Variants in FLRT2 observed in about 807,000 individuals in gnomAD.
The protein encoded by FLRT2 is leucine-rich repeat transmembrane protein FLRT2.
A neutral mutation model predicts 40.0 loss-of-function variants in FLRT2; 15 were observed. The observed-to-expected ratio is 0.38, with a 90% CI of 0.25 to 0.58. The LOEUF is 0.58. Ranked by LOEUF, FLRT2 falls within the 20% of genes least tolerant of loss-of-function variation. The probability of loss-of-function intolerance (pLI) is 0.71; values close to 1 mark genes in which losing one functional copy is unlikely to be tolerated. For synonymous variants in FLRT2, 380 were observed against 336.8 expected (o/e 1.13, Z -1.41); for missense variants, 726 against 840.0 (o/e 0.86, Z 1.68).
chr14:85,621,700 G>C lies in FLRT2; in HGVS notation c.186G>C (p.Pro62=). 1.2e-6 allele frequency: 2 copies of C among 1,614,070 alleles called. No individual in the cohort carries two copies. The highest frequency in any genetic ancestry group is 1.7e-6 in the Non-Finnish European group (2 of 1,180,030). The change falls in exon 2 of 2, where the codon CCG becomes CCC. Residue 62 remains proline (P), a synonymous_variant. Transcript: ENST00000330753. ...RSLTSVPLGI[P]EGVTVLYLHN... is the part of the protein sequence containing the mutation. The stretch of plus-strand genomic sequence containing the variant: ...TGACCTCAGTGCCTCTTGGGATCCC[G>C]GAGGGCGTAACTGTACTCTACCTCC...
In FLRT2 at chr14:85,622,526, A is replaced by G; in HGVS notation, c.1012A>G (p.Met338Val). Reference sequence around the variant, plus strand: ...TTCATCTCTCAACGTGCGGGGTTTCATGTGCCAAGGTCCTGAACAAGTCCG... The same window carrying G: ...TTCATCTCTCAACGTGCGGGGTTTCGTGTGCCAAGGTCCTGAACAAGTCCG... ...IPSSLNVRGF[M>V]CQGPEQVRGM... Residue 338 changes from methionine to valine, a missense_variant, in exon 2 of 2, where the codon ATG (methionine) becomes GTG (valine). Met to Val is a conservative substitution (Grantham distance 21). Around this residue, in one of 3 missense-constraint regions of FLRT2, gnomAD observed 611 missense variants for 690.0 expected, o/e 0.89. Coordinates refer to ENST00000330753, the MANE Select transcript of FLRT2 (RefSeq NM_013231.6). 1.2e-6 allele frequency: 2 copies of G among 1,614,086 alleles called. No homozygotes were observed. The highest frequency in any genetic ancestry group is 8.5e-7 in the Non-Finnish European group (1 of 1,180,028).
chr14:85,562,389 C>T (rs1038184580), intron 1 of FLRT2, among the ~76,000 whole-genome samples: 1 of 152,090 alleles, frequency 6.6e-6, no homozygotes, highest in African/African-American at 2.4e-5. Context: ...TCAAGAAGAC[C>T]CGTGTTTCAA....
At chr14:85,575,925 C>T (rs1313898063) in intron 1 of FLRT2, among the ~76,000 whole-genome samples, 1 of 152,132 alleles carries the variant, frequency 6.6e-6, no homozygotes, top group Non-Finnish European at 1.5e-5. Context: ...TAGCACAATG[C>T]CTGGGAGGGG....
intron 1 of FLRT2, among the ~76,000 whole-genome samples, chr14:85,551,114 G>T (rs1304002081): frequency 1.3e-5 from 2 of 152,194 alleles, no homozygotes; most frequent in Non-Finnish European, 2.9e-5. Context: ...GAAATCTAGT[G>T]AGAAATCTTT....
chr14:85,604,276 G>A (rs1270908713), intron 1 of FLRT2, among the ~76,000 whole-genome samples: 3 of 152,138 alleles, frequency 2.0e-5, no homozygotes, highest in Non-Finnish European at 2.9e-5. Context: ...GAACATTCAG[G>A]AGTAAAATCA....
At position 85,640,487 on chromosome 14, in the gene FLRT2, T is replaced by A. The variant is rs1894126101; in HGVS notation, c.*16990T>A. 6.6e-6 allele frequency: 1 copy of A among 152,132 alleles called. No individual in the cohort carries two copies. The highest frequency in any genetic ancestry group is 6.5e-5 in the Admixed American group (1 of 15,272). 9.4% of individuals were successfully genotyped at this position (152,132 alleles called of 1,614,324 possible). ...AGGTTTTCTTTAATTGTTTAATTCA[T>A]AGGAAAGCCACTGGGAGCCTTCTGG... On this transcript the variant is annotated 3_prime_UTR_variant, in exon 2 of 2. Transcript: ENST00000330753.
chr14:85,594,451 GTC>G (rs1892042669), intron 1 of FLRT2, among the ~76,000 whole-genome samples: 1 of 152,136 alleles, frequency 6.6e-6, no homozygotes, highest in Non-Finnish European at 1.5e-5. Flanking sequence ...ATACCTGTAA[GTC>G]TCAACTCACA....
intron 1 of FLRT2, among the ~76,000 whole-genome samples, chr14:85,597,364 TTGA>T (rs1892185980): frequency 6.6e-6 from 1 of 152,210 alleles, no homozygotes; most frequent in African/African-American, 2.4e-5. Context: ...TTAGAGAACG[TTGA>T]TTTCTTTATG....
At position 85,587,577 on chromosome 14, in the gene FLRT2, AT is replaced by A. The variant is rs945465204; in HGVS notation, c.-376-33550del. 5.6e-3 allele frequency among the ~76,000 whole-genome samples: 827 copies of A among 147,760 alleles called. 1 individual carries two copies. The highest frequency in any genetic ancestry group is 0.014 in the African/African-American group (568 of 40,632). ...AACAAATTAAAGGACTTGACCATGAATTTTTTTTTTTTCTAAGTGAACACTT... is the reference window on the plus strand; with the variant it reads ...AACAAATTAAAGGACTTGACCATGAATTTTTTTTTTTCTAAGTGAACACTT... On this transcript the variant is annotated intron_variant, in intron 1 of 1. Transcript: ENST00000330753.
intron 1 of FLRT2, among the ~76,000 whole-genome samples, chr14:85,610,255 G>A (rs565638307): frequency 6.6e-6 from 1 of 152,258 alleles, no homozygotes; most frequent in South Asian, 2.1e-4. Context: ...ATGTTCGCGA[G>A]AAGAGACTCT....
At chr14:85,587,964 C>T (rs1013807259) in intron 1 of FLRT2, among the ~76,000 whole-genome samples, 1 of 151,720 alleles carries the variant, frequency 6.6e-6, no homozygotes, top group Admixed American at 6.6e-5. Flanking sequence ...TGGAGTCTTG[C>T]TCTGTCTCCC....
rs1595095350 is a variant in FLRT2, at chr14:85,621,479, TCCCACCACATTGTA to T, written c.-35_-22del. ...TTTATTTTTTTTTTCTTTTTCTTTT[TCCCACCACATTGTA>T]TTTTATTTCCGTACTTCAGAAATGG... is the stretch of plus-strand genomic sequence containing the variant. On this transcript the variant is annotated 5_prime_UTR_variant, in exon 2 of 2. Coordinates refer to ENST00000330753, the MANE Select transcript of FLRT2 (RefSeq NM_013231.6). The T allele has an allele frequency of 6.5e-7, 1 of 1,536,146 alleles. No homozygotes were observed. Among genetic ancestry groups the T allele is most frequent in the Non-Finnish European group, 8.8e-7 (1 of 1,141,946 alleles).
intron 1 of FLRT2, among the ~76,000 whole-genome samples, chr14:85,609,262 C>T (rs1892756874): frequency 6.6e-6 from 1 of 152,120 alleles, no homozygotes; most frequent in African/African-American, 2.4e-5. Flanking sequence ...CTAGAAGGAG[C>T]AATACAGGCT....
At position 85,635,807 on chromosome 14, in the gene FLRT2, C is replaced by T. The variant is rs1227200001; in HGVS notation, c.*12310C>T. ...CTTTTATAAAACCACTACTTAGCAG[C>T]TAACAATGAAATGTTCATTTCAAAA... On this transcript the variant is annotated 3_prime_UTR_variant, in exon 2 of 2. Coordinates refer to ENST00000330753, the MANE Select transcript of FLRT2 (RefSeq NM_013231.6). The T allele has an allele frequency of 6.6e-6, 1 of 152,090 alleles. No individual in the cohort carries two copies. Among genetic ancestry groups the T allele is most frequent in the Non-Finnish European group, 1.5e-5 (1 of 67,974 alleles). 9.4% of individuals were successfully genotyped at this position (152,090 alleles called of 1,614,324 possible). A position where few individuals can be genotyped will look rare whatever the true frequency, so the allele number is the denominator to read the frequency against.
chr14:85,534,099 G>A (rs1888487473), intron 1 of FLRT2, among the ~76,000 whole-genome samples: 1 of 152,212 alleles, frequency 6.6e-6, no homozygotes, highest in Admixed American at 6.5e-5. Flanking sequence ...GTAAGAGGGA[G>A]GCGAAGTTCA....
rs569556365 is a variant in FLRT2 at position 85,651,214 on chromosome 14, T to A, written c.*27717T>A. 48 of 152,108 alleles carry A rather than the reference T, an allele frequency of 3.2e-4. No homozygotes were observed. Among genetic ancestry groups the A allele is most frequent in the African/African-American group, 1.1e-3 (46 of 41,552 alleles). 9.4% of individuals were successfully genotyped at this position (152,108 alleles called of 1,614,324 possible). ...TATCTTTAATTACATATTTCTAAAT[T>A]ATTTTCATTTAAGTCAAAGGACATA... On this transcript the variant is annotated 3_prime_UTR_variant, in exon 2 of 2. Coordinates refer to ENST00000330753, the MANE Select transcript of FLRT2 (RefSeq NM_013231.6).
At chr14:85,542,174 G>A (rs1303150006) in intron 1 of FLRT2, among the ~76,000 whole-genome samples, 1 of 152,144 alleles carries the variant, frequency 6.6e-6, no homozygotes, top group Non-Finnish European at 1.5e-5. Context: ...TCTTTCAGAA[G>A]ATAATTTTCA....
At chr14:85,573,811 C>T (rs1167420593) in intron 1 of FLRT2, among the ~76,000 whole-genome samples, 1 of 152,222 alleles carries the variant, frequency 6.6e-6, no homozygotes, top group Non-Finnish European at 1.5e-5. Context: ...TTTACATGAT[C>T]TCCTTTTGAC....
At chr14:85,581,837 C>A (rs2139876436) in intron 1 of FLRT2, among the ~76,000 whole-genome samples, 1 of 152,232 alleles carries the variant, frequency 6.6e-6, no homozygotes, top group Non-Finnish European at 1.5e-5. Flanking sequence ...GGTTTGGAAT[C>A]ATTTTGTAGT....
Sources: gnomAD v4.1 joint callset for allele counts (sites outside exome capture counted in the v4.1 genomes callset) on GRCh38, gnomAD v4.1.1 for gene constraint, gnomAD v4.1.1 regional missense constraint, MANE v1.5 for transcripts, NCBI Gene and HGNC (gene_info 2026-07-23, HGNC 2026-07-21) for gene names.